The following THSD4 variants were observed in gnomAD, a reference collection of about 807,000 sequenced individuals.
THSD4 encodes the protein thrombospondin type 1 domain containing 4, also known as thrombospondin type-1 domain-containing protein 4.
In THSD4, 69 loss-of-function variants were observed where a neutral mutation model predicts 119.0. The ratio of observed to expected loss-of-function variants is 0.58; its 90% confidence interval spans 0.48 to 0.71. The LOEUF is 0.71. Among genes scored for constraint, THSD4 ranks in the 30% least tolerant of loss-of-function variants. The probability of loss-of-function intolerance (pLI) is 0.00; values close to 1 mark genes in which losing one functional copy is unlikely to be tolerated. For missense variants in THSD4, 1,393 were observed against 1,391.1 expected, an observed-to-expected ratio of 1.00 and a Z score of -0.02; for synonymous variants, 524 against 540.4, an observed-to-expected ratio of 0.97 and a Z score of 0.42.
At chr15:71,617,298 T>C (rs1337655014) in intron 7 of THSD4, among the ~76,000 whole-genome samples, 1 of 152,206 alleles carries the variant, frequency 6.6e-6, no homozygotes, top group Non-Finnish European at 1.5e-5. Context: ...ACTAAAATGA[T>C]TTTTTAAATA....
chr15:71,375,333 A>G (rs1312449406), intron 6 of THSD4, among the ~76,000 whole-genome samples: 1 of 151,978 alleles, frequency 6.6e-6, no homozygotes, highest in Admixed American at 6.6e-5. Flanking sequence ...CTTCATCTCA[A>G]CCTCATTGGT....
At chr15:71,647,334 C>T (rs1310740979) in intron 7 of THSD4, among the ~76,000 whole-genome samples, 1 of 152,162 alleles carries the variant, frequency 6.6e-6, no homozygotes, top group African/African-American at 2.4e-5. Flanking sequence ...CATCTGGCAG[C>T]CACCTGAATT....
chr15:71,504,364 C>T (rs1231667874), intron 7 of THSD4, among the ~76,000 whole-genome samples: 2 of 152,190 alleles, frequency 1.3e-5, no homozygotes, highest in Non-Finnish European at 1.5e-5. Context: ...TGAAAATAGT[C>T]ACCACTGTTG....
chr15:71,243,383 C>T (rs1367323223), intron 5 of THSD4, among the ~76,000 whole-genome samples: 1 of 152,114 alleles, frequency 6.6e-6, no homozygotes, highest in Non-Finnish European at 1.5e-5. Flanking sequence ...GCAAAACAAC[C>T]TCCAAATTCT....
chr15:71,307,407 C>A (rs1386268819), intron 6 of THSD4, among the ~76,000 whole-genome samples: 2 of 152,158 alleles, frequency 1.3e-5, no homozygotes, highest in Non-Finnish European at 2.9e-5. Flanking sequence ...ATTTTTAAGA[C>A]CTAAGTGTGT....
At chr15:71,764,149 G>C (rs1404992734) in intron 15 of THSD4, among the ~76,000 whole-genome samples, 1 of 152,160 alleles carries the variant, frequency 6.6e-6, no homozygotes, top group Non-Finnish European at 1.5e-5. Context: ...TGGAGGCTGA[G>C]GTGAGAGGAC....
chr15:71,444,558 T>C (rs1481927668), intron 7 of THSD4, among the ~76,000 whole-genome samples: 1 of 152,224 alleles, frequency 6.6e-6, no homozygotes, highest in East Asian at 1.9e-4. Context: ...TACCCACACA[T>C]CTCACAGCAC....
At chr15:71,429,116 A>G (rs938586435) in intron 7 of THSD4, among the ~76,000 whole-genome samples, 1 of 152,206 alleles carries the variant, frequency 6.6e-6, no homozygotes, top group Non-Finnish European at 1.5e-5. Context: ...TCACTGACAA[A>G]AGGCAGGTTA....
At chr15:71,371,374 C>T (rs1294770540) in intron 6 of THSD4, among the ~76,000 whole-genome samples, 5 of 152,154 alleles carry the variant, frequency 3.3e-5, no homozygotes, top group South Asian at 2.1e-4. Flanking sequence ...TTCCTAGCAT[C>T]GATGGTCTTT....
intron 7 of THSD4, among the ~76,000 whole-genome samples, chr15:71,446,144 C>T (rs1042940362): frequency 4.3e-4 from 66 of 152,350 alleles, no homozygotes; most frequent in African/African-American, 1.5e-3. Context: ...CGCTTTCCAT[C>T]CCCTGACTCT....
At chr15:71,383,740 GA>G (rs1446606701) in intron 6 of THSD4, among the ~76,000 whole-genome samples, 27 of 151,688 alleles carry the variant, frequency 1.8e-4, no homozygotes, top group African/African-American at 6.3e-4. Context: ...CATTCAGGAA[GA>G]AAAAAACAAT....
intron 6 of THSD4, 21 bp from the exon 7 acceptor site, chr15:71,411,666 T>A: frequency 6.2e-7 from 1 of 1,602,618 alleles, no homozygotes; most frequent in Non-Finnish European, 8.5e-7. Context: ...TATTTTATTT[T>A]ATTTCATTTT....
At position 71,364,570 on chromosome 15, in the gene THSD4, T is replaced by C. The variant is rs184771077; in HGVS notation, c.1016-47117T>C. On this transcript the variant is annotated intron_variant, in intron 6 of 17. Coordinates refer to ENST00000261862, the MANE Select transcript of THSD4 (RefSeq NM_024817.3). Reference sequence around the variant, plus strand: ...AGGTCGTGGTTCTAGCAAATACTAATTTCCCCTTAGGGGTTCAAGAGGGCT... The same window carrying C: ...AGGTCGTGGTTCTAGCAAATACTAACTTCCCCTTAGGGGTTCAAGAGGGCT... 1.3e-3 allele frequency among the ~76,000 whole-genome samples: 205 copies of C among 152,338 alleles called. 3 individuals carry two copies. The highest frequency in any genetic ancestry group is 4.5e-3 in the African/African-American group (186 of 41,572).
chr15:71,604,734 T>C (rs182329891), intron 7 of THSD4, among the ~76,000 whole-genome samples: 1 of 152,304 alleles, frequency 6.6e-6, no homozygotes, highest in Admixed American at 6.5e-5. Flanking sequence ...TTATTTACTG[T>C]TTTAAGTTAT....
chr15:71,319,902 AC>A (rs1173970531), intron 6 of THSD4, among the ~76,000 whole-genome samples: 1 of 152,210 alleles, frequency 6.6e-6, no homozygotes, highest in Admixed American at 6.5e-5. Context: ...ATTCTTTATT[AC>A]AGGAGTTCTC....
At chr15:71,327,462 A>G (rs139587911) in intron 6 of THSD4, among the ~76,000 whole-genome samples, 2 of 148,682 alleles carry the variant, frequency 1.3e-5, no homozygotes, top group Non-Finnish European at 3.0e-5. Context: ...TATAAAACCA[A>G]TTCACTAATG....
At chr15:71,694,077 G>A (rs1269740314) in intron 8 of THSD4, among the ~76,000 whole-genome samples, 7 of 152,134 alleles carry the variant, frequency 4.6e-5, no homozygotes, top group Non-Finnish European at 8.8e-5. Context: ...GTTGAGCAGA[G>A]GTGAGCATAA....
intron 6 of THSD4, among the ~76,000 whole-genome samples, chr15:71,314,543 A>T (rs1056027526): frequency 1.3e-5 from 2 of 152,072 alleles, no homozygotes; most frequent in African/African-American, 4.8e-5. Context: ...CTGACCTCTG[A>T]TGGTCCATCT....
intron 8 of THSD4, among the ~76,000 whole-genome samples, chr15:71,663,256 AAAAAAG>A (rs547381803): frequency 2.6e-5 from 4 of 152,122 alleles, no homozygotes; most frequent in Non-Finnish European, 4.4e-5. Flanking sequence ...TATATCAAAA[AAAAAAG>A]AAAAAGAAAA....
Sources: gnomAD v4.1 joint callset for allele counts (sites outside exome capture counted in the v4.1 genomes callset) on GRCh38, gnomAD v4.1.1 for gene constraint, MANE v1.5 for transcripts, NCBI Gene and HGNC (gene_info 2026-07-23, HGNC 2026-07-21) for gene names.